PLA2G5: variants seen among roughly 807,000 people sequenced by gnomAD.
PLA2G5 encodes phospholipase A2 group V.
PLA2G5 carries 12 observed loss-of-function variants against 15.9 expected under a neutral mutation model. The ratio of observed to expected loss-of-function variants is 0.76; its 90% CI spans 0.48 to 1.23. The LOEUF (loss-of-function observed/expected upper bound fraction) is 1.23, where lower values mean the gene tolerates loss of function less well. PLA2G5 is among the 50% of genes most tolerant of loss of function. PLA2G5 has a pLI of 0.00. For missense variants in PLA2G5, 169 were observed against 177.1 expected (o/e 0.95, Z 0.26); for synonymous variants, 71 against 71.4 (o/e 0.99, Z 0.03).
intron 1 of PLA2G5, among the ~76,000 whole-genome samples, chr1:20,083,639 T>G (rs1228375330): frequency 6.6e-6 from 1 of 151,874 alleles, no homozygotes; most frequent in Non-Finnish European, 1.5e-5. Flanking sequence ...CAAAGACAGA[T>G]TCTAAGGAGT....
upstream of PLA2G5, among the ~76,000 whole-genome samples, chr1:20,069,707 GAAAGAAAGA>G (rs2015244947): frequency 8.5e-6 from 1 of 117,478 alleles, no homozygotes; most frequent in African/African-American, 3.6e-5. Context: ...AAGAAAGAAA[GAAAGAAAGA>G]AACCAGATTA....
At chr1:20,078,373 T>C (rs1485835858) in intron 1 of PLA2G5, among the ~76,000 whole-genome samples, 1 of 152,128 alleles carries the variant, frequency 6.6e-6, no homozygotes, top group Non-Finnish European at 1.5e-5. Flanking sequence ...TTTTTTTCTT[T>C]TTTGTGGCTT....
At chr1:20,041,793 C>T (rs2013614879) in intron 1 of PLA2G5, among the ~76,000 whole-genome samples, 1 of 152,090 alleles carries the variant, frequency 6.6e-6, no homozygotes, top group Non-Finnish European at 1.5e-5. Context: ...GTGGAAGTTT[C>T]AGTGGGGGAG....
At chr1:20,034,703 G>A (rs1174026259) in intron 1 of PLA2G5, among the ~76,000 whole-genome samples, 8 of 152,136 alleles carry the variant, frequency 5.3e-5, no homozygotes, top group African/African-American at 1.9e-4. Context: ...GGGATGTGAT[G>A]TTTGGCTATT....
At chr1:20,050,836 TTC>T (rs2014145305) in intron 1 of PLA2G5, among the ~76,000 whole-genome samples, 1 of 151,700 alleles carries the variant, frequency 6.6e-6, no homozygotes, top group South Asian at 2.1e-4. Context: ...AAATTATAAA[TTC>T]TGTCTTTTTC....
intron 1 of PLA2G5, among the ~76,000 whole-genome samples, chr1:20,029,348 T>TGTTCCTCCGCTG (rs1426973409): frequency 2.2e-5 from 3 of 134,492 alleles, no homozygotes; most frequent in Non-Finnish European, 4.7e-5. Flanking sequence ...CCTCCCCTGA[T>TGTTCCTCCGCTG]ACGTTCCTCC....
chr1:20,033,274 C>T (rs528208426), intron 1 of PLA2G5, among the ~76,000 whole-genome samples: 87 of 152,254 alleles, frequency 5.7e-4, no homozygotes, highest in Non-Finnish European at 2.6e-4. Flanking sequence ...CGTAGGTGTT[C>T]CCTGCAAAAG....
At chr1:20,032,264 CG>C (rs2012997167) in intron 1 of PLA2G5, among the ~76,000 whole-genome samples, 2 of 151,918 alleles carry the variant, frequency 1.3e-5, no homozygotes, top group African/African-American at 4.8e-5. Context: ...AACAAATGCT[CG>C]CCTGTTGTCT....
intron 1 of PLA2G5, among the ~76,000 whole-genome samples, chr1:20,075,688 T>C (rs2015625529): frequency 6.6e-6 from 1 of 152,094 alleles, no homozygotes; most frequent in African/African-American, 2.4e-5. Context: ...TGAGGCAGAT[T>C]AGACTTAAGA....
intron 1 of PLA2G5, among the ~76,000 whole-genome samples, chr1:20,083,076 G>T (rs2016114262): frequency 6.6e-6 from 1 of 151,990 alleles, no homozygotes; most frequent in Non-Finnish European, 1.5e-5. Flanking sequence ...GTGGCAGGTG[G>T]TGTCCTTGTG....
intron 1 of PLA2G5, among the ~76,000 whole-genome samples, chr1:20,077,323 A>T (rs1363721315): frequency 6.6e-6 from 1 of 152,200 alleles, no homozygotes; most frequent in Non-Finnish European, 1.5e-5. Flanking sequence ...GAGGTTCCCA[A>T]GGGTTATTGG....
intron 2 of PLA2G5, among the ~76,000 whole-genome samples, chr1:20,085,108 C>T (rs1030134339): frequency 6.6e-6 from 1 of 152,136 alleles, no homozygotes; most frequent in African/African-American, 2.4e-5. Flanking sequence ...TATTGTACCT[C>T]AGCTGTGTAA....
At chr1:20,079,158 TGTGTGGGGTGGTG>T (rs2015866927) in intron 1 of PLA2G5, among the ~76,000 whole-genome samples, 1 of 145,868 alleles carries the variant, frequency 6.9e-6, no homozygotes, top group South Asian at 2.2e-4. Context: ...CAAAAAAGTG[TGTGTGGGGTGGTG>T]GTGTGAAGGG....
chr1:20,061,658 A>G (rs2014741118), intron 2 of PLA2G5, among the ~76,000 whole-genome samples: 1 of 152,172 alleles, frequency 6.6e-6, no homozygotes, highest in Admixed American at 6.5e-5. Context: ...CTTGAAATAA[A>G]CAGGGCCTAA....
upstream of PLA2G5, among the ~76,000 whole-genome samples, chr1:20,068,012 C>T (rs370231458): frequency 7.3e-5 from 11 of 151,658 alleles, no homozygotes; most frequent in South Asian, 1.3e-3. Flanking sequence ...CCAGCTTCTC[C>T]GGAGGCTAAG....
intron 1 of PLA2G5, among the ~76,000 whole-genome samples, chr1:20,037,966 C>A (rs1343910460): frequency 1.3e-5 from 2 of 152,036 alleles, no homozygotes; most frequent in Non-Finnish European, 2.9e-5. Flanking sequence ...AGGCCAATGA[C>A]ATTAGGTTCC....
intron 1 of PLA2G5, among the ~76,000 whole-genome samples, chr1:20,044,373 G>GGC (rs1553171702): frequency 6.6e-6 from 1 of 151,842 alleles, no homozygotes; most frequent in Non-Finnish European, 1.5e-5. Context: ...CTGTTGTGGG[G>GGC]GGGGTTTGAG....
At chr1:20,075,185 C>T (rs2015600518) in intron 1 of PLA2G5, among the ~76,000 whole-genome samples, 1 of 152,210 alleles carries the variant, frequency 6.6e-6, no homozygotes, top group Non-Finnish European at 1.5e-5. Context: ...TATTCACTCT[C>T]TTCTTATAGA....
intron 1 of PLA2G5, among the ~76,000 whole-genome samples, chr1:20,038,460 C>A (rs2013400936): frequency 6.6e-6 from 1 of 152,184 alleles, no homozygotes; most frequent in Non-Finnish European, 1.5e-5. Flanking sequence ...ACTCTTCCTG[C>A]TGCTTCTTCT....
Sources: allele counts gnomAD v4.1 joint callset (sites outside exome capture counted in the v4.1 genomes callset), GRCh38; gene constraint gnomAD v4.1.1; transcripts MANE v1.5; gene names NCBI Gene and HGNC (gene_info 2026-07-23, HGNC 2026-07-21).